VPS13D: variants seen among roughly 807,000 people sequenced by gnomAD.
The protein encoded by VPS13D is vacuolar protein sorting 13 homolog D, also known as intermembrane lipid transfer protein VPS13D.
In VPS13D, 187 loss-of-function variants were observed where a neutral mutation model predicts 461.9. The ratio of observed to expected loss-of-function variants is 0.40; its 90% confidence interval spans 0.36 to 0.46. The LOEUF (loss-of-function observed/expected upper bound fraction) is 0.46. Ranked by LOEUF, VPS13D falls within the 20% of genes least tolerant of loss-of-function variation. The pLI is 0.60. For missense variants in VPS13D, 4,711 were observed against 5,364.9 expected, an observed-to-expected ratio of 0.88 and a Z score of 3.81; for synonymous variants, 1,951 against 1,986.3, an observed-to-expected ratio of 0.98 and a Z score of 0.47.
chr1:12,349,477 CT>C, intron 46 of VPS13D, 103 bp downstream of exon 46: 1 of 1,126,190 alleles, frequency 8.9e-7, no homozygotes, highest in East Asian at 2.5e-5. Flanking sequence ...ATTCAGTTAT[CT>C]TTATTTAAAC....
At chr1:12,263,706 T>A (rs1024362892) in intron 13 of VPS13D, among the ~76,000 whole-genome samples, 4 of 152,234 alleles carry the variant, frequency 2.6e-5, no homozygotes, top group African/African-American at 4.8e-5. Context: ...TGATTTTTTT[T>A]AAAAAGCCAG....
rs149024193 is a variant in VPS13D, at chr1:12,415,185, G to C, written c.12129G>C (p.Glu4043Asp). 2.3e-5 allele frequency: 37 copies of C among 1,614,002 alleles called. No individual in the cohort carries two copies. Among genetic ancestry groups the C allele is most frequent in the Non-Finnish European group, 2.9e-5 (34 of 1,179,998 alleles). Residue 4043 changes from glutamate (E) to aspartate (D), a missense_variant, in exon 64 of 70, where the codon GAG (glutamate) becomes GAC (aspartate). By Grantham distance (45) the Glu-to-Asp change is conservative. Coordinates refer to ENST00000620676, the MANE Select transcript of VPS13D (RefSeq NM_015378.4). ...GGGTACATCCCTATGAGACCAAGGAGTTCATCATCAATGATATCCTCAAAC... is the reference window on the plus strand; with the variant it reads ...GGGTACATCCCTATGAGACCAAGGACTTCATCATCAATGATATCCTCAAAC... Reference protein sequence around the residue: ...FTRVHPYETKEFIINDILKHF... With the variant: ...FTRVHPYETKDFIINDILKHF...
rs1191455657 is a variant in VPS13D at position 12,242,444 on chromosome 1, C to G, written c.98-69C>G. ...AAAACTTTCCCTTTAACCTTCAATG[C>G]TTTACACACAGTAGGTGGCCTACTG... On this transcript the variant is annotated intron_variant, in intron 2 of 69. Transcript: ENST00000620676. The G allele has an allele frequency of 1.4e-5, 20 of 1,393,430 alleles. No individual in the cohort carries two copies. The East Asian group carries it at 3.0e-4, about 21-fold the overall frequency. The allele number at this position is 1,393,430 out of a possible 1,614,324, so 86.3% of individuals were successfully genotyped here.
chr1:12,345,961 C>G (rs1277636602), intron 43 of VPS13D, among the ~76,000 whole-genome samples: 28 of 152,264 alleles, frequency 1.8e-4, no homozygotes, highest in East Asian at 9.7e-4. Flanking sequence ...CACACATGCT[C>G]TCACATACCC....
intron 20 of VPS13D, among the ~76,000 whole-genome samples, chr1:12,281,786 A>G (rs1235869623): frequency 6.6e-6 from 1 of 152,200 alleles, no homozygotes; most frequent in African/African-American, 2.4e-5. Context: ...ATTAGGGGTT[A>G]CAAAATGGTC....
intron 5 of VPS13D, among the ~76,000 whole-genome samples, chr1:12,247,374 A>G (rs920351179): frequency 6.6e-6 from 1 of 150,910 alleles, no homozygotes; most frequent in Non-Finnish European, 1.5e-5. Flanking sequence ...CCAAGATCAC[A>G]CCATTGCACT....
At chr1:12,463,042 A>G (rs1326219162) in intron 67 of VPS13D, among the ~76,000 whole-genome samples, 1 of 152,060 alleles carries the variant, frequency 6.6e-6, no homozygotes, top group Non-Finnish European at 1.5e-5. Flanking sequence ...GCAAGTTCCA[A>G]CTTTGTAGGC....
chr1:12,234,649 T>C (rs866834702), intron 2 of VPS13D, among the ~76,000 whole-genome samples: 5 of 152,372 alleles, frequency 3.3e-5, no homozygotes, highest in South Asian at 2.1e-4. Flanking sequence ...TATGAAGCTT[T>C]ATGGAGGCAG....
chr1:12,395,709 T>C (rs1012171441), intron 60 of VPS13D, among the ~76,000 whole-genome samples: 1 of 151,910 alleles, frequency 6.6e-6, no homozygotes, highest in African/African-American at 2.4e-5. Context: ...ATGTATAGAG[T>C]CACTAAAATC....
intron 2 of VPS13D, among the ~76,000 whole-genome samples, chr1:12,235,828 TGAA>T (rs1475192479): frequency 2.0e-5 from 3 of 152,180 alleles, no homozygotes; most frequent in African/African-American, 7.2e-5. Context: ...GGTCTCTTAT[TGAA>T]GTTCTCAGAC....
In VPS13D at chr1:12,460,373, C is replaced by G. The variant is rs1645393574; in HGVS notation, c.12639C>G (p.Asp4213Glu). The change falls in exon 67 of 70, where the codon GAC (aspartate) becomes GAG (glutamate). Residue 4213 changes from aspartate (D) to glutamate (E), a missense_variant. Transcript: ENST00000620676. ...FASETAQAVR[D>E]TATLSGPRTQ... ...CAGAAACAGCCCAGGCGGTGAGAGA[C>G]ACAGCCACACTCAGCGGCCCCAGGT... 3.7e-6 allele frequency: 6 copies of G among 1,605,624 alleles called. No homozygotes were observed. The highest frequency in any genetic ancestry group is 4.5e-5 in the East Asian group (2 of 44,440).
At chr1:12,401,358 A>G (rs1341460136) in intron 61 of VPS13D, among the ~76,000 whole-genome samples, 1 of 152,218 alleles carries the variant, frequency 6.6e-6, no homozygotes, top group Non-Finnish European at 1.5e-5. Flanking sequence ...TGAGGCTGGA[A>G]TCCTGACTAA....
intron 68 of VPS13D, 140 bp from the exon 69 acceptor site, chr1:12,506,713 T>A: frequency 1.7e-6 from 2 of 1,143,966 alleles, no homozygotes; most frequent in South Asian, 3.1e-5. Flanking sequence ...AAGATAGAAT[T>A]TCAGGATTTA....
chr1:12,451,008 G>T (rs1278470231), intron 65 of VPS13D, among the ~76,000 whole-genome samples: 1 of 152,206 alleles, frequency 6.6e-6, no homozygotes, highest in Non-Finnish European at 1.5e-5. Context: ...CCCAAGAGAA[G>T]GGAGAGAAAT....
intron 58 of VPS13D, among the ~76,000 whole-genome samples, chr1:12,384,247 TA>T (rs1373785946): frequency 1.3e-5 from 2 of 151,814 alleles, no homozygotes; most frequent in African/African-American, 4.8e-5. Flanking sequence ...TACTTAGGAG[TA>T]GAGTCAGGCA....
At chr1:12,242,736 G>A in intron 3 of VPS13D, 146 bp downstream of exon 3, 1 of 697,142 alleles carries the variant, frequency 1.4e-6, no homozygotes, top group Non-Finnish European at 2.4e-6. Flanking sequence ...TTAAAGTGTG[G>A]TCTTTGGGCC....
chr1:12,296,996 A>G (rs968582928), intron 24 of VPS13D, among the ~76,000 whole-genome samples: 29 of 152,226 alleles, frequency 1.9e-4, no homozygotes, highest in Non-Finnish European at 4.0e-4. Context: ...ATGTCTTTCT[A>G]TTTTGAACAT....
At chr1:12,396,923 G>T (rs1644506849) in intron 60 of VPS13D, among the ~76,000 whole-genome samples, 1 of 151,990 alleles carries the variant, frequency 6.6e-6, no homozygotes, top group African/African-American at 2.4e-5. Context: ...TTAAAAAGTT[G>T]TTTGTTTGTT....
chr1:12,277,979 G>A lies in VPS13D; in HGVS notation c.4391G>A (p.Ser1464Asn), dbSNP rs759119808. 22 of 1,614,122 alleles carry A rather than the reference G, an allele frequency of 1.4e-5. No homozygotes were observed. The South Asian group carries it at 2.3e-4, about 17-fold the overall frequency. ...CCTTCCGGGTCTGGCAGTGCCAACA[G>A]TCAGGAGGAAGCTCATTTCACACGA... is the stretch of plus-strand genomic sequence containing the variant. ...CPPSGSGSAN[S>N]QEEAHFTRHD... is the part of the protein sequence containing the mutation. Residue 1464 changes from serine to asparagine, a missense_variant, in exon 19 of 70, where the codon AGT becomes AAT. By Grantham distance (46) the Ser-to-Asn change is conservative. Coordinates refer to ENST00000620676, the MANE Select transcript of VPS13D (RefSeq NM_015378.4).
Sources: allele counts gnomAD v4.1 joint callset (sites outside exome capture counted in the v4.1 genomes callset), GRCh38; gene constraint gnomAD v4.1.1; transcripts MANE v1.5; gene names NCBI Gene and HGNC (gene_info 2026-07-23, HGNC 2026-07-21).